Variants in THOC2 observed in about 807,000 individuals in gnomAD.
THOC2 encodes the protein THO complex subunit 2.
THOC2 carries 10 observed loss-of-function variants against 128.4 expected under a neutral mutation model. The observed-to-expected ratio is 0.08, with a 90% CI of 0.05 to 0.13. THOC2 has a LOEUF of 0.13. Ranked by LOEUF, THOC2 falls within the 10% of genes least tolerant of loss-of-function variation. THOC2 has a pLI of 1.00. For missense variants in THOC2, 535 were observed against 1,155.7 expected (o/e 0.46, Z 7.79); for synonymous variants, 393 against 396.9 (o/e 0.99, Z 0.12).
rs1437152850 is a variant in THOC2, at chrX:123,733,041, A to C, written c.-19T>G. The C allele has an allele frequency of 8.3e-7, 1 of 1,205,823 alleles. No individual in the cohort carries two copies. The highest frequency in any genetic ancestry group is 3.0e-5 in the East Asian group (1 of 33,817). ...CCGCCATCTTCCTCTCACTAGTAGC[A>C]GAAGCCCGGATGTGTAGCACGCGAG... On this transcript the variant is annotated 5_prime_UTR_variant, in exon 1 of 39. Coordinates refer to ENST00000245838, the MANE Select transcript of THOC2 (RefSeq NM_001081550.2).
intron 30 of THOC2, among the ~76,000 whole-genome samples, chrX:123,622,543 G>C (rs774672664): frequency 1.7e-4 from 19 of 111,401 alleles, no homozygotes; most frequent in Admixed American, 1.6e-3. Flanking sequence ...TACTCATGAG[G>C]ACTCATAGAA....
In THOC2 at chrX:123,668,151, T is replaced by G. The variant is rs947140122; in HGVS notation, c.1017+8A>C. The G allele has an allele frequency of 1.7e-6, 2 of 1,160,795 alleles. No individual in the cohort carries two copies. Among genetic ancestry groups the G allele is most frequent in the Non-Finnish European group, 2.3e-6 (2 of 865,221 alleles). On this transcript the variant is annotated splice_region_variant and intron_variant, in intron 10 of 38. Coordinates refer to ENST00000245838, the MANE Select transcript of THOC2 (RefSeq NM_001081550.2). ...ATAGTGTTAATTTTACTAGAATGAA[T>G]TACATACTTTCTCTACTTTCTCCTC...
chrX:123,683,269 C>G (rs2049861624), intron 8 of THOC2, among the ~76,000 whole-genome samples: 1 of 110,234 alleles, frequency 9.1e-6, no homozygotes, highest in Non-Finnish European at 1.9e-5. Flanking sequence ...TCGTTGATAT[C>G]ATAGAATAAT....
chrX:123,648,196 T>C (rs893119972), intron 12 of THOC2, among the ~76,000 whole-genome samples: 3 of 111,492 alleles, frequency 2.7e-5, no homozygotes, highest in Non-Finnish European at 5.7e-5. Context: ...ACCCGGGAAG[T>C]GCAAGGGGTC....
chrX:123,663,659 T>C (rs1376256200), intron 12 of THOC2, among the ~76,000 whole-genome samples: 15 of 109,059 alleles, frequency 1.4e-4, no homozygotes, highest in African/African-American at 5.0e-4. Context: ...CTAGGGTACA[T>C]GTGCACAATG....
intron 5 of THOC2, among the ~76,000 whole-genome samples, chrX:123,697,256 A>G (rs2050482532): frequency 8.9e-6 from 1 of 112,081 alleles, no homozygotes; most frequent in Non-Finnish European, 1.9e-5. Context: ...TTCTAAATTT[A>G]TGAACACAAA....
intron 8 of THOC2, among the ~76,000 whole-genome samples, chrX:123,673,447 A>T: frequency 8.9e-6 from 1 of 112,205 alleles, no homozygotes. Context: ...ACAAACTCAC[A>T]AAAGCTTATT....
chrX:123,729,201 G>T (rs141358133), intron 1 of THOC2, among the ~76,000 whole-genome samples: 344 of 111,879 alleles, frequency 3.1e-3, no homozygotes, highest in Non-Finnish European at 5.3e-3. Flanking sequence ...GTCCTCCTTT[G>T]CCCTTCTGAT....
At chrX:123,684,831 A>C (rs2049939824) in intron 8 of THOC2, among the ~76,000 whole-genome samples, 1 of 112,568 alleles carries the variant, frequency 8.9e-6, no homozygotes, top group Non-Finnish European at 1.9e-5. Context: ...ATCATAGAAA[A>C]TACAAGATGA....
At position 123,665,580 on chromosome X, in the gene THOC2, C is replaced by T. The variant is rs766445899; in HGVS notation, c.1386+62G>A. 1.3e-5 allele frequency: 10 copies of T among 769,930 alleles called. No individual in the cohort carries two copies. In the East Asian group the frequency reaches 3.4e-4, roughly 26 times the overall value. The allele number at this position is 769,930 out of a possible 1,213,427, so 63.5% of individuals were successfully genotyped here. A position where few individuals can be genotyped will look rare whatever the true frequency, so the allele number is the denominator to read the frequency against. On this transcript the variant is annotated intron_variant, in intron 12 of 38. Transcript: ENST00000245838. ...TTTTTATTTCTAAAGATACTCATAA[C>T]ACAAGTATACTCAGAATATTTTCAT... is the stretch of plus-strand genomic sequence containing the variant.
intron 22 of THOC2, 132 bp downstream of exon 22, chrX:123,631,556 G>T: frequency 1.5e-6 from 1 of 678,795 alleles, no homozygotes; most frequent in Non-Finnish European, 2.2e-6. Context: ...ACCCCTATTG[G>T]AAACAAAGAA....
intron 8 of THOC2, among the ~76,000 whole-genome samples, chrX:123,674,409 C>A (rs746115453): frequency 2.1e-4 from 23 of 112,081 alleles, no homozygotes; most frequent in Non-Finnish European, 3.9e-4. Context: ...AATGCTTGCA[C>A]AGAATATGTT....
intron 8 of THOC2, among the ~76,000 whole-genome samples, chrX:123,673,753 C>T (rs1438274158): frequency 1.8e-5 from 2 of 112,415 alleles, no homozygotes; most frequent in African/African-American, 3.2e-5. Context: ...ACCCTGAGAA[C>T]AGCCCTGCCA....
chrX:123,666,987 T>C (rs908762111), intron 11 of THOC2, 119 bp downstream of exon 11: 4 of 499,580 alleles, frequency 8.0e-6, no homozygotes, highest in Non-Finnish European at 9.8e-6. Context: ...ATAGTTCTTA[T>C]CTTTTGATAA....
chrX:123,611,357 T>C, intron 37 of THOC2, 83 bp downstream of exon 37: 1 of 740,205 alleles, frequency 1.4e-6, no homozygotes, highest in Non-Finnish European at 2.0e-6. Flanking sequence ...ATAAACCACA[T>C]ACTAAAAGAG....
rs998709635 is a variant in THOC2, at chrX:123,619,288, T to C, written c.4311+113A>G. ...AGGTTATTCAATGTAAGCAGAGTACTTTATCCCACTGATCTCAGCTTACTG... is the reference window on the plus strand; with the variant it reads ...AGGTTATTCAATGTAAGCAGAGTACCTTATCCCACTGATCTCAGCTTACTG... On this transcript the variant is annotated intron_variant, in intron 33 of 38. Coordinates refer to ENST00000245838, the MANE Select transcript of THOC2 (RefSeq NM_001081550.2). The C allele has an allele frequency of 1.5e-5, 6 of 409,677 alleles. No individual in the cohort carries two copies. The Admixed American group carries it at 2.4e-4, about 17-fold the overall frequency. The allele number at this position is 409,677 out of a possible 1,213,427, so 33.8% of individuals were successfully genotyped here.
chrX:123,642,419 C>G (rs2047959894), intron 15 of THOC2, among the ~76,000 whole-genome samples: 1 of 103,314 alleles, frequency 9.7e-6, no homozygotes, highest in Admixed American at 1.1e-4. Flanking sequence ...CGGTGCAAAA[C>G]TCCATCTCCC....
At chrX:123,703,020 C>T (rs1859993431) in intron 4 of THOC2, among the ~76,000 whole-genome samples, 1 of 111,402 alleles carries the variant, frequency 9.0e-6, no homozygotes, top group South Asian at 3.7e-4. Context: ...AACAAAAGTA[C>T]TTTTGATTAC....
At chrX:123,681,328 C>A (rs1191511365) in intron 8 of THOC2, among the ~76,000 whole-genome samples, 1 of 108,904 alleles carries the variant, frequency 9.2e-6, no homozygotes, top group Non-Finnish European at 1.9e-5. Flanking sequence ...TCCCAGGCTG[C>A]CAAAGTATCA....
Sources: allele counts gnomAD v4.1 joint callset (sites outside exome capture counted in the v4.1 genomes callset), GRCh38; gene constraint gnomAD v4.1.1; transcripts MANE v1.5; gene names NCBI Gene and HGNC (gene_info 2026-07-23, HGNC 2026-07-21).